The following DAB1 variants were observed in gnomAD, a reference collection of about 807,000 sequenced individuals.
DAB1 encodes disabled homolog 1.
DAB1 carries 15 observed loss-of-function variants against 64.6 expected under a neutral mutation model. The observed-to-expected ratio is 0.23, with a 90% CI of 0.16 to 0.36. The LOEUF is 0.36. Ranked by LOEUF, DAB1 falls within the 10% of genes least tolerant of loss-of-function variation. DAB1 has a pLI of 1.00. For missense variants in DAB1, 596 were observed against 706.7 expected, an observed-to-expected ratio of 0.84 and a Z score of 1.78; for synonymous variants, 235 against 251.9, an observed-to-expected ratio of 0.93 and a Z score of 0.64.
chr1:58,507,404 T>C (rs1248150151), intron 2 of DAB1, among the ~76,000 whole-genome samples: 1 of 151,948 alleles, frequency 6.6e-6, no homozygotes, highest in Non-Finnish European at 1.5e-5. Flanking sequence ...CCATGCTACA[T>C]CATTTCTTAA....
At chr1:58,086,367 G>A (rs918717684) in intron 5 of DAB1, among the ~76,000 whole-genome samples, 1 of 152,064 alleles carries the variant, frequency 6.6e-6, no homozygotes, top group South Asian at 2.1e-4. Flanking sequence ...TGTTTAAAGA[G>A]TATTTCTTGA....
In DAB1 at chr1:57,996,486, G is replaced by A. The variant is rs149791082; in HGVS notation, n.388-112324C>T. Among the ~76,000 whole-genome samples the A allele has an allele frequency of 4.0e-3, 608 of 152,194 alleles. 6 individuals are homozygous for A. The highest frequency in any genetic ancestry group is 0.014 in the African/African-American group (578 of 41,528). ...TTTTGGAAATTTGCCCTCATTTGCT[G>A]GGTTGAAATTCACGTTCTTTATCTT... On this transcript the variant is annotated intron_variant and non_coding_transcript_variant, in intron 5 of 20. Coordinates refer to the DAB1 transcript ENST00000485760.
intron 6 of DAB1, among the ~76,000 whole-genome samples, chr1:57,694,253 C>T (rs1403318201): frequency 6.6e-6 from 1 of 152,046 alleles, no homozygotes; most frequent in African/African-American, 2.4e-5. Context: ...CAAATGCTAT[C>T]AATGCTGGAT....
chr1:58,239,517 C>T (rs1660194208), intron 4 of DAB1, among the ~76,000 whole-genome samples: 1 of 152,158 alleles, frequency 6.6e-6, no homozygotes, highest in Non-Finnish European at 1.5e-5. Flanking sequence ...AATCCCAGAA[C>T]CTGTCTGGAG....
In DAB1 at chr1:58,177,043, A is replaced by G. The variant is rs565112329; in HGVS notation, n.310-26455T>C. 7.2e-5 allele frequency among the ~76,000 whole-genome samples: 11 copies of G among 152,234 alleles called. No homozygotes were observed. In the South Asian group the frequency reaches 2.1e-3, roughly 29 times the overall value. On this transcript the variant is annotated intron_variant and non_coding_transcript_variant, in intron 4 of 20. Coordinates refer to the DAB1 transcript ENST00000485760. Reference sequence around the variant, plus strand: ...AATGGTAAATTAAATTTCAATATGAATTTTTTGGGGTACAGACATTTAAAC... The same window carrying G: ...AATGGTAAATTAAATTTCAATATGAGTTTTTTGGGGTACAGACATTTAAAC...
chr1:57,808,104 G>A (rs1651449765), intron 6 of DAB1, among the ~76,000 whole-genome samples: 1 of 151,748 alleles, frequency 6.6e-6, no homozygotes, highest in Non-Finnish European at 1.5e-5. Context: ...CCTATTTCCT[G>A]CATTGCTCAA....
At chr1:57,556,289 T>C (rs1387585007) in intron 7 of DAB1, among the ~76,000 whole-genome samples, 1 of 152,192 alleles carries the variant, frequency 6.6e-6, no homozygotes, top group Non-Finnish European at 1.5e-5. Context: ...TCTAGATAGA[T>C]ACACAGGAAT....
chr1:58,459,904 G>A (rs1490452529), intron 3 of DAB1, among the ~76,000 whole-genome samples: 1 of 152,180 alleles, frequency 6.6e-6, no homozygotes, highest in East Asian at 1.9e-4. Context: ...CTTGAATGCA[G>A]GATCCAGAGG....
intron 4 of DAB1, among the ~76,000 whole-genome samples, chr1:58,232,145 C>T (rs1444594697): frequency 6.6e-6 from 1 of 152,126 alleles, no homozygotes; most frequent in Admixed American, 6.6e-5. Context: ...CAATTCCAAC[C>T]AAAAGCCAAA....
At chr1:57,323,891 A>G (rs1343448416) in intron 1 of DAB1, among the ~76,000 whole-genome samples, 1 of 152,028 alleles carries the variant, frequency 6.6e-6, no homozygotes, top group Non-Finnish European at 1.5e-5. Flanking sequence ...GTCAAGCAGT[A>G]TAGGCAATGT....
chr1:58,236,710 T>C (rs866609853), intron 4 of DAB1, among the ~76,000 whole-genome samples: 32 of 152,308 alleles, frequency 2.1e-4, no homozygotes, highest in Middle Eastern at 6.8e-3. Context: ...GTCCCAGTTC[T>C]ATAGAGAACG....
chr1:57,273,781 T>A (rs1025011565), intron 2 of DAB1, among the ~76,000 whole-genome samples: 2 of 152,012 alleles, frequency 1.3e-5, no homozygotes, highest in African/African-American at 4.8e-5. Flanking sequence ...TATGTTTGAC[T>A]GGAATCTCAC....
intron 1 of DAB1, among the ~76,000 whole-genome samples, chr1:57,296,359 A>G (rs975451758): frequency 1.3e-5 from 2 of 152,146 alleles, no homozygotes; most frequent in Non-Finnish European, 2.9e-5. Flanking sequence ...TCTGTCCATT[A>G]AGAGGGCCTA....
chr1:57,497,718 A>G (rs141595789), intron 7 of DAB1, among the ~76,000 whole-genome samples: 6 of 152,316 alleles, frequency 3.9e-5, no homozygotes, highest in Admixed American at 3.9e-4. Flanking sequence ...TTATGTCAAG[A>G]AGGGGTAATG....
At chr1:57,132,940 C>T (rs1179986063) in intron 4 of DAB1, among the ~76,000 whole-genome samples, 1 of 152,080 alleles carries the variant, frequency 6.6e-6, no homozygotes, top group African/African-American at 2.4e-5. Flanking sequence ...ATTTGGTATG[C>T]TATTATTAGT....
intron 4 of DAB1, among the ~76,000 whole-genome samples, chr1:58,223,290 T>A (rs1659273231): frequency 1.3e-5 from 2 of 152,224 alleles, no homozygotes; most frequent in South Asian, 4.1e-4. Context: ...ACTCAGTTTC[T>A]GTCCAGAGAA....
intron 6 of DAB1, among the ~76,000 whole-genome samples, chr1:57,728,759 T>C (rs1284408205): frequency 6.6e-6 from 1 of 152,192 alleles, no homozygotes; most frequent in Admixed American, 6.5e-5. Context: ...CAAAATCAAG[T>C]AGTTGCTCTT....
intron 2 of DAB1, among the ~76,000 whole-genome samples, chr1:58,518,895 G>A (rs1470728363): frequency 6.6e-6 from 1 of 152,122 alleles, no homozygotes; most frequent in Admixed American, 6.5e-5. Flanking sequence ...GTCCAATACT[G>A]TTCCTATCCT....
At chr1:57,325,934 C>T (rs578216865) in intron 1 of DAB1, among the ~76,000 whole-genome samples, 41 of 152,254 alleles carry the variant, frequency 2.7e-4, no homozygotes, top group Non-Finnish European at 3.8e-4. Context: ...TCTTGGTTTC[C>T]TTGTTTCACA....
Sources: allele counts gnomAD v4.1 joint callset (sites outside exome capture counted in the v4.1 genomes callset), GRCh38; gene constraint gnomAD v4.1.1; transcripts MANE v1.5; gene names NCBI Gene and HGNC (gene_info 2026-07-23, HGNC 2026-07-21).